Variants in GMDS observed in about 807,000 individuals in gnomAD.
GMDS encodes the protein GDP-mannose 4,6 dehydratase.
In GMDS, 20 loss-of-function variants were observed where a neutral mutation model predicts 49.9. The ratio of observed to expected loss-of-function variants is 0.40; its 90% CI spans 0.28 to 0.58. GMDS has a LOEUF of 0.58. Ranked by LOEUF, GMDS falls within the 20% of genes least tolerant of loss-of-function variation. GMDS has a pLI of 0.42. For missense variants in GMDS, 362 were observed against 481.4 expected (o/e 0.75, Z 2.32); for synonymous variants, 177 against 178.6 (o/e 0.99, Z 0.07).
chr6:2,113,794 A>G (rs1359128287), intron 4 of GMDS, among the ~76,000 whole-genome samples: 1 of 152,266 alleles, frequency 6.6e-6, no homozygotes, highest in South Asian at 2.1e-4. Flanking sequence ...ACCATGCATG[A>G]CACCTTGCAT....
chr6:2,129,173 A>T (rs1775601556), intron 1 of GMDS, among the ~76,000 whole-genome samples: 1 of 152,144 alleles, frequency 6.6e-6, no homozygotes, highest in African/African-American at 2.4e-5. Flanking sequence ...AAATTCCACA[A>T]CTATGAAAAG....
intron 8 of GMDS, among the ~76,000 whole-genome samples, chr6:1,735,443 T>C (rs182965848): frequency 8.1e-4 from 124 of 152,280 alleles, no homozygotes; most frequent in African/African-American, 2.6e-3. Flanking sequence ...GGTAGGCACC[T>C]AGCACAGACT....
intron 7 of GMDS, among the ~76,000 whole-genome samples, chr6:1,764,040 G>A (rs759381673): frequency 8.5e-5 from 13 of 152,076 alleles, no homozygotes; most frequent in East Asian, 3.9e-4. Context: ...CTGCTTGTCC[G>A]GTACATCTCC....
intron 8 of GMDS, among the ~76,000 whole-genome samples, chr6:1,728,336 C>T (rs1766665401): frequency 6.6e-6 from 1 of 152,168 alleles, no homozygotes; most frequent in Non-Finnish European, 1.5e-5. Context: ...TTGTATTTCA[C>T]AGGCATGTTT....
intron 8 of GMDS, among the ~76,000 whole-genome samples, chr6:1,741,531 C>T (rs1767268175): frequency 6.6e-6 from 1 of 151,904 alleles, no homozygotes; most frequent in Non-Finnish European, 1.5e-5. Flanking sequence ...ATGTTTTTGG[C>T]CAGGCGTGGT....
At chr6:1,641,767 C>T (rs1270552341) in intron 9 of GMDS, among the ~76,000 whole-genome samples, 1 of 151,952 alleles carries the variant, frequency 6.6e-6, no homozygotes, top group African/African-American at 2.4e-5. Context: ...TTTCCTTCTT[C>T]AGGATTTAAT....
At chr6:1,901,503 G>A (rs1760503974) in intron 7 of GMDS, among the ~76,000 whole-genome samples, 1 of 152,196 alleles carries the variant, frequency 6.6e-6, no homozygotes, top group Non-Finnish European at 1.5e-5. Flanking sequence ...AGGAATTGCA[G>A]TAACTCCTTC....
intron 1 of GMDS, among the ~76,000 whole-genome samples, chr6:2,240,963 G>A (rs925070792): frequency 2.0e-5 from 3 of 152,228 alleles, no homozygotes; most frequent in Non-Finnish European, 4.4e-5. Context: ...GAAAGCCAAT[G>A]GTGCTGGGGA....
intron 4 of GMDS, among the ~76,000 whole-genome samples, chr6:2,059,689 C>T (rs1265893866): frequency 2.0e-5 from 1 of 50,430 alleles, no homozygotes; most frequent in Admixed American, 2.6e-4. Flanking sequence ...GCCTGGGCGA[C>T]AGAGCGAGAC....
chr6:2,168,415 A>G (rs1036213123), intron 1 of GMDS, among the ~76,000 whole-genome samples: 1 of 152,234 alleles, frequency 6.6e-6, no homozygotes, highest in African/African-American at 2.4e-5. Context: ...ACTTCCCTAC[A>G]AACAAAATGT....
At chr6:1,716,767 T>C (rs1766190445) in intron 9 of GMDS, among the ~76,000 whole-genome samples, 1 of 152,222 alleles carries the variant, frequency 6.6e-6, no homozygotes, top group Admixed American at 6.5e-5. Context: ...TTGTGAATTC[T>C]TTCCCAGTTC....
Position 1,960,774 on chromosome 6 carries a change from C to T in GMDS, c.538G>A (p.Gly180Arg). 3.8e-6 allele frequency: 6 copies of T among 1,588,944 alleles called. No individual in the cohort carries two copies. Among genetic ancestry groups the T allele is most frequent in the Non-Finnish European group, 4.3e-6 (5 of 1,161,226 alleles). ...CTCCGGTGTGCACGCATGTTCTCAC[C>T]ATAGGGTGACCGGGGATAGAAAGGG... ...TTPFYPRSPY[G>R]AAKLYAYWIV... The change falls in exon 5 of 11, where the codon GGG becomes AGG. Residue 180 changes from glycine to arginine, a missense_variant and splice_region_variant. Physicochemically the swap from Gly to Arg is moderately radical, Grantham distance 125 (BLOSUM62 -2). Transcript: ENST00000380815.
intron 4 of GMDS, among the ~76,000 whole-genome samples, chr6:2,001,011 T>C (rs1356371202): frequency 6.6e-6 from 1 of 152,144 alleles, no homozygotes; most frequent in African/African-American, 2.4e-5. Flanking sequence ...TTGGGTAGAG[T>C]AGAATTGCTA....
intron 4 of GMDS, among the ~76,000 whole-genome samples, chr6:2,027,652 T>G (rs1353438844): frequency 6.6e-6 from 1 of 151,886 alleles, no homozygotes; most frequent in Non-Finnish European, 1.5e-5. Flanking sequence ...CAGAAACAAA[T>G]GTAAGGAAAT....
In GMDS at chr6:1,750,795, T is replaced by C. The variant is rs529545902; in HGVS notation, c.772-8209A>G. 3.3e-5 allele frequency among the ~76,000 whole-genome samples: 5 copies of C among 152,198 alleles called. No homozygotes were observed. In the South Asian group the frequency reaches 1.0e-3, roughly 32 times the overall value. ...TCTTGCTCAGCAGATCCCACCCCCA[T>C]GGTGCCCAGCAAGCTAAGATCCGCT... On this transcript the variant is annotated intron_variant, in intron 7 of 10. Coordinates refer to ENST00000380815, the MANE Select transcript of GMDS (RefSeq NM_001500.4).
intron 7 of GMDS, among the ~76,000 whole-genome samples, chr6:1,811,544 G>T: frequency 7.0e-6 from 1 of 143,816 alleles, no homozygotes; most frequent in Non-Finnish European, 1.5e-5. Context: ...AAAATATTTA[G>T]ACTAGTCAAG....
chr6:1,754,679 C>T (rs532225323), intron 7 of GMDS, among the ~76,000 whole-genome samples: 1 of 152,260 alleles, frequency 6.6e-6, no homozygotes, highest in African/African-American at 2.4e-5. Context: ...GCTTATCCAC[C>T]ACGATCAAGT....
chr6:1,686,253 T>C (rs932825631), intron 9 of GMDS, among the ~76,000 whole-genome samples: 1 of 151,554 alleles, frequency 6.6e-6, no homozygotes, highest in African/African-American at 2.4e-5. Context: ...GAGCGTTCAG[T>C]TGGTGTTATG....
At chr6:1,915,596 T>C (rs142342190) in intron 7 of GMDS, among the ~76,000 whole-genome samples, 4 of 152,270 alleles carry the variant, frequency 2.6e-5, no homozygotes, top group Non-Finnish European at 5.9e-5. Context: ...TATGACAGTA[T>C]CTGTATCTCA....
Sources: allele counts gnomAD v4.1 joint callset (sites outside exome capture counted in the v4.1 genomes callset), GRCh38; gene constraint gnomAD v4.1.1; transcripts MANE v1.5; gene names NCBI Gene and HGNC (gene_info 2026-07-23, HGNC 2026-07-21).